Variants in LINGO1 observed in about 807,000 individuals in gnomAD.
LINGO1 encodes leucine rich repeat and Ig domain containing 1.
In LINGO1, 11 loss-of-function variants were observed where a neutral mutation model predicts 37.3. The observed-to-expected ratio is 0.29, with a 90% CI of 0.19 to 0.49. The LOEUF is 0.49. LINGO1 is among the 20% of genes least tolerant of loss of function. The pLI is 0.99. For missense variants in LINGO1, 585 were observed against 878.2 expected, an observed-to-expected ratio of 0.67 and a Z score of 4.22; for synonymous variants, 387 against 403.0, an observed-to-expected ratio of 0.96 and a Z score of 0.48.
intron 1 of LINGO1, among the ~76,000 whole-genome samples, chr15:77,759,066 T>C (rs2076448967): frequency 6.6e-6 from 1 of 152,160 alleles, no homozygotes; most frequent in South Asian, 2.1e-4. Context: ...GGGCTTTCTC[T>C]GAAGACCTGG....
At chr15:77,770,587 C>CAAA (rs71145861) in intron 1 of LINGO1, among the ~76,000 whole-genome samples, 62 of 79,278 alleles carry the variant, frequency 7.8e-4, no homozygotes, top group East Asian at 1.7e-3. Flanking sequence ...GACTCTGTCT[C>CAAA]AAAAAAAAAA....
intron 3 of LINGO1, among the ~76,000 whole-genome samples, chr15:77,674,423 C>A (rs750016387): frequency 3.3e-5 from 5 of 152,226 alleles, no homozygotes; most frequent in Non-Finnish European, 5.9e-5. Flanking sequence ...CCTTCCATGG[C>A]TTTCCCCACT....
chr15:77,615,349 G>A lies in LINGO1; in HGVS notation c.558C>T (p.Ala186=), dbSNP rs1210540379. The change falls in exon 2 of 2, where the codon GCC becomes GCT. Residue 186 remains alanine (A), a synonymous_variant. Transcript: ENST00000355300. The part of the protein sequence containing the change: ...DNDLVYISHR[A]FSGLNSLEQL... ...GCTCCAGGCTGTTGAGGCCGCTGAA[G>A]GCGCGGTGAGAGATGTAGACGAGGT... is the stretch of plus-strand genomic sequence containing the variant. The A allele has an allele frequency of 5.6e-6, 9 of 1,613,880 alleles. No homozygotes were observed. Among genetic ancestry groups the A allele is most frequent in the African/African-American group, 2.7e-5 (2 of 74,934 alleles).
intron 1 of LINGO1, among the ~76,000 whole-genome samples, chr15:77,776,590 GC>G (rs1231297628): frequency 7.4e-5 from 11 of 148,244 alleles, no homozygotes; most frequent in Admixed American, 6.1e-4. Flanking sequence ...CAACTTTGGG[GC>G]CGCAATATAA....
intron 1 of LINGO1, among the ~76,000 whole-genome samples, chr15:77,746,369 C>T (rs189826290): frequency 2.6e-5 from 4 of 152,286 alleles, no homozygotes; most frequent in South Asian, 4.2e-4. Flanking sequence ...CCTCCCTCAA[C>T]GCCAATACTG....
chr15:77,655,816 G>A (rs1263966886), intron 3 of LINGO1, among the ~76,000 whole-genome samples: 2 of 152,144 alleles, frequency 1.3e-5, no homozygotes, highest in African/African-American at 4.8e-5. Context: ...GGTGGACACC[G>A]GCCTCTCCTG....
intron 3 of LINGO1, among the ~76,000 whole-genome samples, chr15:77,664,622 AGCTGGAGG>A (rs1370716769): frequency 6.6e-6 from 1 of 152,062 alleles, no homozygotes; most frequent in African/African-American, 2.4e-5. Context: ...CACAAAAGAG[AGCTGGAGG>A]GCTCCTCCCA....
upstream of LINGO1, chr15:77,634,450 T>A (rs13329323): frequency 5.0e-6 from 2 of 403,288 alleles, no homozygotes; most frequent in South Asian, 3.7e-5. Flanking sequence ...TACTGTGAAC[T>A]GTACGTTCAC....
chr15:77,712,541 T>C (rs2075931086), intron 2 of LINGO1, among the ~76,000 whole-genome samples: 2 of 152,254 alleles, frequency 1.3e-5, no homozygotes, highest in African/African-American at 4.8e-5. Flanking sequence ...CTCTGTGAGC[T>C]TGAATCCCAA....
At position 77,732,094 on chromosome 15, in the gene LINGO1, C is replaced by T. The variant is rs2076159438; in HGVS notation, c.-195+2898G>A. On this transcript the variant is annotated intron_variant, in intron 2 of 3. Transcript: ENST00000561686. The stretch of plus-strand genomic sequence containing the variant: ...ATCTCATCTCATCTTCCCAATATGC[C>T]TATGAGAAAACAACTGCTGTGCCCA... 3.9e-5 allele frequency among the ~76,000 whole-genome samples: 6 copies of T among 152,218 alleles called. No homozygotes were observed. In the South Asian group the frequency reaches 1.2e-3, roughly 32 times the overall value.
chr15:77,678,641 T>C (rs1371962596), intron 2 of LINGO1, among the ~76,000 whole-genome samples: 1 of 152,252 alleles, frequency 6.6e-6, no homozygotes, highest in Non-Finnish European at 1.5e-5. Flanking sequence ...TACAGGTTTT[T>C]GTGTGAATGT....
At chr15:77,704,085 T>C (rs1034394144) in intron 2 of LINGO1, among the ~76,000 whole-genome samples, 1 of 152,176 alleles carries the variant, frequency 6.6e-6, no homozygotes, top group Admixed American at 6.5e-5. Context: ...TTCCTCATCA[T>C]CCTGTAAGAT....
At chr15:77,636,548 C>A (rs1242844737), upstream of LINGO1, among the ~76,000 whole-genome samples, 1 of 151,900 alleles carries the variant, frequency 6.6e-6, no homozygotes, top group East Asian at 1.9e-4. Context: ...GCTGGGGGGC[C>A]CTGTGGAGCT....
In LINGO1 at chr15:77,613,517, C is replaced by T. The variant is rs2073578190; in HGVS notation, c.*527G>A. The T allele has an allele frequency of 6.3e-6, 1 of 157,734 alleles. No individual in the cohort carries two copies. The highest frequency in any genetic ancestry group is 1.9e-4 in the South Asian group (1 of 5,254). 9.8% of individuals were successfully genotyped at this position (157,734 alleles called of 1,614,324 possible). On this transcript the variant is annotated 3_prime_UTR_variant, in exon 2 of 2. Coordinates refer to ENST00000355300, the MANE Select transcript of LINGO1 (RefSeq NM_032808.7). ...GTGGGTGGGGCTGGAACCTCCTTTC[C>T]TGTTTTCCTGAGTGATCCCTCCCCA... is the stretch of plus-strand genomic sequence containing the variant.
rs1322422477 is a variant in LINGO1 at position 77,632,695 on chromosome 15, G to A, written c.-380C>T. 1.4e-5 allele frequency among the ~76,000 whole-genome samples: 2 copies of A among 146,064 alleles called. No homozygotes were observed. Among genetic ancestry groups the A allele is most frequent in the African/African-American group, 4.9e-5 (2 of 40,808 alleles). On this transcript the variant is annotated 5_prime_UTR_variant, in exon 1 of 2. Coordinates refer to ENST00000355300, the MANE Select transcript of LINGO1 (RefSeq NM_032808.7). The surrounding 1 kb of genome is among the most constrained non-coding windows in gnomAD (Gnocchi z 6.0). Reference sequence around the variant, plus strand: ...TCGAGGCCGGGCGCGCTCCGCCGCGGGGCCGGGGCCGGCGGGCAGCGGCCG... The same window carrying A: ...TCGAGGCCGGGCGCGCTCCGCCGCGAGGCCGGGGCCGGCGGGCAGCGGCCG...
intron 3 of LINGO1, chr15:77,646,562 C>G: frequency 2.6e-6 from 1 of 391,922 alleles, no homozygotes; most frequent in South Asian, 1.9e-5. Context: ...TGGGGTTTCC[C>G]CCACTTCCAA....
rs145598987 is a variant in LINGO1 at position 77,701,515 on chromosome 15, C to T, written c.-194-10614G>A. 7.5e-4 allele frequency among the ~76,000 whole-genome samples: 114 copies of T among 152,246 alleles called. 1 individual carries two copies. Among genetic ancestry groups the T allele is most frequent in the African/African-American group, 2.5e-3 (102 of 41,532 alleles). On this transcript the variant is annotated intron_variant, in intron 2 of 3. Coordinates refer to the LINGO1 transcript ENST00000561686. Reference sequence around the variant, plus strand: ...CTTGTGATATAGTTTGGGTGTCTGTCGCCTCCAAATAGCATGCTGAAATGT... The same window carrying T: ...CTTGTGATATAGTTTGGGTGTCTGTTGCCTCCAAATAGCATGCTGAAATGT...
chr15:77,637,945 G>A (rs937881078), upstream of LINGO1, among the ~76,000 whole-genome samples: 6 of 152,220 alleles, frequency 3.9e-5, no homozygotes, highest in African/African-American at 1.2e-4. The surrounding 1 kb of genome is among the most constrained non-coding windows in gnomAD (Gnocchi z 4.6). Flanking sequence ...TGGGGGCAGG[G>A]ACACTCTTGA....
intron 1 of LINGO1, among the ~76,000 whole-genome samples, chr15:77,807,605 A>G (rs2076970785): frequency 6.6e-6 from 1 of 152,014 alleles, no homozygotes; most frequent in South Asian, 2.1e-4. Flanking sequence ...CTTCTACTCC[A>G]TTTCTCTCCC....
Sources: gnomAD v4.1 joint callset for allele counts (sites outside exome capture counted in the v4.1 genomes callset) on GRCh38, gnomAD v4.1.1 for gene constraint, Gnocchi (gnomAD v3.1) non-coding constraint, MANE v1.5 for transcripts, NCBI Gene and HGNC (gene_info 2026-07-23, HGNC 2026-07-21) for gene names.